Variants in MYCBP2 observed in about 807,000 individuals in gnomAD.
MYCBP2 encodes the protein MYC binding protein 2, also known as E3 ubiquitin-protein ligase MYCBP2.
Under a neutral mutation model 525.3 loss-of-function variants are expected in MYCBP2, and 120 were observed. That is an observed-to-expected ratio of 0.23 (90% CI 0.20 to 0.27). MYCBP2 has a LOEUF of 0.27. Ranked by LOEUF, MYCBP2 falls within the 10% of genes least tolerant of loss-of-function variation. MYCBP2 has a pLI of 1.00. For missense variants in MYCBP2, 4,149 were observed against 5,657.1 expected, an observed-to-expected ratio of 0.73 and a Z score of 8.55; for synonymous variants, 1,894 against 1,955.8, an observed-to-expected ratio of 0.97 and a Z score of 0.83.
rs764194583 is a variant in MYCBP2, at chr13:77,081,290, T to C, written c.11418+137A>G. Reference sequence around the variant, plus strand: ...AATTTGTTTTTAGACTTAAGATTTATTTGGGGATTATAGCAATGATGTTTG... The same window carrying C: ...AATTTGTTTTTAGACTTAAGATTTACTTGGGGATTATAGCAATGATGTTTG... On this transcript the variant is annotated intron_variant, in intron 65 of 82. Transcript: ENST00000544440. This position sits in a 1 kb window ranked among gnomAD's most constrained non-coding sequence, Gnocchi z 4.6. 2.7e-6 allele frequency: 2 copies of C among 731,382 alleles called. No individual in the cohort carries two copies. Among genetic ancestry groups the C allele is most frequent in the African/African-American group, 3.6e-5 (2 of 56,280 alleles). 45.3% of individuals were successfully genotyped at this position (731,382 alleles called of 1,614,324 possible). A position where few individuals can be genotyped will look rare whatever the true frequency, so the allele number is the denominator to read the frequency against.
chr13:77,261,129 G>T, intron 12 of MYCBP2, 42 bp downstream of exon 12: 2 of 1,469,916 alleles, frequency 1.4e-6, no homozygotes, highest in Non-Finnish European at 9.3e-7. Context: ...CTAAAATAAA[G>T]CATTTATTTT....
At chr13:77,231,814 A>G (rs1475493529) in intron 18 of MYCBP2, among the ~76,000 whole-genome samples, 1 of 152,236 alleles carries the variant, frequency 6.6e-6, no homozygotes, top group African/African-American at 2.4e-5. Flanking sequence ...ATTGTGACAT[A>G]GTAGAAATCA....
intron 17 of MYCBP2, among the ~76,000 whole-genome samples, chr13:77,234,263 TAAATTTG>T (rs1362705489): frequency 6.6e-6 from 1 of 151,990 alleles, no homozygotes; most frequent in African/African-American, 2.4e-5. Context: ...GAAAACACTC[TAAATTTG>T]ACAGGTTACC....
At chr13:77,067,908 T>TTAA (rs772331569) in intron 70 of MYCBP2, 44 bp from the exon 71 acceptor site, 15 of 1,523,144 alleles carry the variant, frequency 9.8e-6, no homozygotes, top group Non-Finnish European at 1.2e-5. Context: ...TAAAGACTAA[T>TTAA]GTTTTAAGGT....
In MYCBP2 at chr13:77,212,131, A is replaced by T. The variant is rs771196712; in HGVS notation, c.3087T>A (p.Asp1029Glu). 169 of 1,613,990 alleles carry T rather than the reference A, an allele frequency of 1.0e-4. No homozygotes were observed. Among genetic ancestry groups the T allele is most frequent in the Non-Finnish European group, 1.3e-4 (157 of 1,179,990 alleles). ...SKGQLGRPIL[D>E]VPYWNAKPAP... ...CTGGCTTTGCATTCCAATATGGCAC[A>T]TCCAAAATTGGTCTGCCCAGTTGTC... The change falls in exon 22 of 83, where the codon GAT becomes GAA. Residue 1029 changes from aspartate to glutamate, a missense_variant. Asp to Glu is a conservative substitution (Grantham distance 45). This residue lies in a region of MYCBP2 where 620 missense variants were observed against 795.5 expected (regional missense o/e 0.78). Transcript: ENST00000544440.
chr13:77,124,256 C>T (rs986130789), intron 54 of MYCBP2, among the ~76,000 whole-genome samples: 1 of 152,092 alleles, frequency 6.6e-6, no homozygotes, highest in African/African-American at 2.4e-5. Context: ...AAGATTATAT[C>T]ACCTACCTCA....
rs71704593 is a variant in MYCBP2 at position 77,227,481 on chromosome 13, T to TACACAC, written c.2738-1933_2738-1928dup. Among the ~76,000 whole-genome samples, 609 of 145,256 alleles carry TACACAC rather than the reference T, an allele frequency of 4.2e-3. 2 individuals are homozygous for TACACAC. The highest frequency in any genetic ancestry group is 0.011 in the Middle Eastern group (3 of 282). ...AAAAGCCTACACACACACACACACA[T>TACACAC]ACACACACACACACACACACACACA... On this transcript the variant is annotated intron_variant, in intron 18 of 82. Coordinates refer to ENST00000544440, the MANE Select transcript of MYCBP2 (RefSeq NM_015057.5).
At chr13:77,280,040 C>T (rs1465865789) in intron 3 of MYCBP2, among the ~76,000 whole-genome samples, 1 of 152,176 alleles carries the variant, frequency 6.6e-6, no homozygotes, top group Non-Finnish European at 1.5e-5. Flanking sequence ...ATGGTAGGCA[C>T]ACATTAAATA....
At chr13:77,056,878 T>C (rs2038202129) in intron 79 of MYCBP2, 108 bp downstream of exon 79, 1 of 755,132 alleles carries the variant, frequency 1.3e-6, no homozygotes. Flanking sequence ...AAGAAACTGC[T>C]AGGGGCTGGT....
intron 55 of MYCBP2, among the ~76,000 whole-genome samples, chr13:77,112,604 A>T (rs550430254): frequency 2.6e-5 from 4 of 151,606 alleles, no homozygotes; most frequent in African/African-American, 7.3e-5. Flanking sequence ...CTTTAAAAAA[A>T]TTTTTCTTAA....
chr13:77,105,611 C>T (rs1171083567), intron 55 of MYCBP2, among the ~76,000 whole-genome samples: 3 of 151,498 alleles, frequency 2.0e-5, no homozygotes, highest in South Asian at 2.1e-4. Context: ...GATATCTATA[C>T]ACAAAAGAAA....
chr13:77,135,332 T>C (rs1032245443), intron 52 of MYCBP2, among the ~76,000 whole-genome samples: 4 of 152,244 alleles, frequency 2.6e-5, no homozygotes, highest in Non-Finnish European at 4.4e-5. Flanking sequence ...GGGAGAAAGA[T>C]AGTTTTTCCA....
intron 68 of MYCBP2, 65 bp downstream of exon 68, chr13:77,076,686 G>T: frequency 1.0e-6 from 1 of 966,082 alleles, no homozygotes. Context: ...AGCAATAAAT[G>T]AATTATTTCA....
chr13:77,146,031 C>T, intron 48 of MYCBP2, 131 bp downstream of exon 48: 1 of 545,480 alleles, frequency 1.8e-6, no homozygotes, highest in Non-Finnish European at 3.2e-6. Context: ...TATATGACAT[C>T]TCTATCGGCA....
At chr13:77,225,346 T>TTA in intron 19 of MYCBP2, 89 bp downstream of exon 19, 1 of 1,553,740 alleles carries the variant, frequency 6.4e-7, no homozygotes, top group Non-Finnish European at 8.8e-7. Context: ...TAACACACAG[T>TTA]TAACAGGCTA....
intron 47 of MYCBP2, among the ~76,000 whole-genome samples, chr13:77,146,726 TA>T (rs2055640822): frequency 6.6e-6 from 1 of 152,090 alleles, no homozygotes; most frequent in African/African-American, 2.4e-5. Context: ...AAAACAAAAC[TA>T]AAATAAATCA....
intron 2 of MYCBP2, among the ~76,000 whole-genome samples, chr13:77,290,091 A>C (rs1038893240): frequency 6.6e-6 from 1 of 152,186 alleles, no homozygotes; most frequent in African/African-American, 2.4e-5. Flanking sequence ...TCAATATAGA[A>C]GATATTTACA....
chr13:77,191,282 C>T (rs1300247802), intron 28 of MYCBP2, among the ~76,000 whole-genome samples: 1 of 152,186 alleles, frequency 6.6e-6, no homozygotes, highest in Non-Finnish European at 1.5e-5. Flanking sequence ...AAATAACACA[C>T]ATTGCTGAAG....
intron 26 of MYCBP2, among the ~76,000 whole-genome samples, chr13:77,204,031 A>C (rs1429690872): frequency 1.1e-4 from 17 of 151,448 alleles, no homozygotes; most frequent in East Asian, 5.8e-4. Context: ...GCAACAAAAG[A>C]CAAAATTGAC....
Sources: gnomAD v4.1 joint callset for allele counts (sites outside exome capture counted in the v4.1 genomes callset) on GRCh38, gnomAD v4.1.1 for gene constraint, gnomAD v4.1.1 regional missense constraint, Gnocchi (gnomAD v3.1) non-coding constraint, MANE v1.5 for transcripts, NCBI Gene and HGNC (gene_info 2026-07-23, HGNC 2026-07-21) for gene names.